Variants in RSRC1 observed in about 807,000 individuals in gnomAD.
The protein encoded by RSRC1 is serine/Arginine-related protein 53.
Under a neutral mutation model 49.1 loss-of-function variants are expected in RSRC1, and 39 were observed. The ratio of observed to expected loss-of-function variants is 0.79; its 90% CI spans 0.61 to 1.04. The LOEUF (loss-of-function observed/expected upper bound fraction) is 1.04, where lower values mean the gene tolerates loss of function less well. Ranked by LOEUF, RSRC1 falls within the 50% of genes least tolerant of loss-of-function variation. The pLI, the probability that RSRC1 is intolerant of heterozygous loss-of-function variation, is 0.00. For missense variants in RSRC1, 388 were observed against 402.4 expected (o/e 0.96, Z 0.31); for synonymous variants, 143 against 130.8 (o/e 1.09, Z -0.63).
chr3:158,473,106 C>T (rs1343789817), intron 7 of RSRC1, among the ~76,000 whole-genome samples: 5 of 152,074 alleles, frequency 3.3e-5, no homozygotes, highest in African/African-American at 9.7e-5. Flanking sequence ...GACAGTGTGG[C>T]GATTCCTCGT....
intron 6 of RSRC1, among the ~76,000 whole-genome samples, chr3:158,362,174 A>G (rs775429664): frequency 1.1e-4 from 16 of 152,080 alleles, no homozygotes; most frequent in Non-Finnish European, 2.2e-4. Context: ...CCCTGTCTCT[A>G]CAAAAAAATA....
intron 3 of RSRC1, among the ~76,000 whole-genome samples, chr3:158,159,334 C>T (rs996620931): frequency 2.0e-5 from 3 of 152,126 alleles, no homozygotes; most frequent in African/African-American, 7.2e-5. Flanking sequence ...AATGTGATGG[C>T]CATTCACCAA....
At chr3:158,536,919 G>T (rs1001123858) in intron 7 of RSRC1, among the ~76,000 whole-genome samples, 173 bp from the exon 8 acceptor site, 2 of 151,506 alleles carry the variant, frequency 1.3e-5, no homozygotes, top group East Asian at 3.9e-4. Flanking sequence ...ATAAGTCTTA[G>T]TTCATAGGAA....
chr3:158,151,758 C>T (rs1323780437), intron 3 of RSRC1, among the ~76,000 whole-genome samples: 3 of 152,046 alleles, frequency 2.0e-5, no homozygotes, highest in Non-Finnish European at 4.4e-5. Context: ...GCAAAAAGTT[C>T]TGGGAGGACA....
At chr3:158,149,434 C>T (rs10936119) in intron 3 of RSRC1, among the ~76,000 whole-genome samples, 2,361 of 152,136 alleles carry the variant, frequency 0.016, 81 homozygotes, top group African/African-American at 0.054. Flanking sequence ...TTTGGTCACG[C>T]GTGACTAGGC....
chr3:158,408,938 C>T lies in RSRC1; in HGVS notation c.584-51997C>T, dbSNP rs1330218941. On this transcript the variant is annotated intron_variant, in intron 6 of 9. Transcript: ENST00000611884. ...ATCCCAGCTACTTGGGAGGCTGAGG[C>T]AGGAGAATTGCTTGAACCCAGGAGG... 3.3e-5 allele frequency among the ~76,000 whole-genome samples: 5 copies of T among 152,126 alleles called. No individual in the cohort carries two copies. In the East Asian group the frequency reaches 9.7e-4, roughly 29 times the overall value.
Position 158,544,544 on chromosome 3 carries a change from T to C in RSRC1, c.*269T>C. On this transcript the variant is annotated 3_prime_UTR_variant, in exon 10 of 10. Coordinates refer to ENST00000611884, the MANE Select transcript of RSRC1 (RefSeq NM_001271838.2). ...TAAATAAGTCTGTTAAAATGAATGG[T>C]AGACACTAGTGTTTCTTAGTGCAAT... 1 of 234,112 alleles carries C rather than the reference T, an allele frequency of 4.3e-6. No individual in the cohort carries two copies. Among genetic ancestry groups the C allele is most frequent in the Non-Finnish European group, 8.3e-6 (1 of 120,882 alleles). 14.5% of individuals were successfully genotyped at this position (234,112 alleles called of 1,614,324 possible).
chr3:158,357,751 C>A (rs1423149808), intron 6 of RSRC1, among the ~76,000 whole-genome samples: 1 of 152,046 alleles, frequency 6.6e-6, no homozygotes, highest in African/African-American at 2.4e-5. Context: ...CTAGTAGTAC[C>A]CATTGTCACA....
At chr3:158,467,147 AT>A (rs1737927289) in intron 7 of RSRC1, among the ~76,000 whole-genome samples, 1 of 152,204 alleles carries the variant, frequency 6.6e-6, no homozygotes, top group Non-Finnish European at 1.5e-5. Context: ...TTATTCTTTT[AT>A]CTTTCATCCC....
intron 6 of RSRC1, among the ~76,000 whole-genome samples, chr3:158,443,129 A>T (rs1736477775): frequency 6.6e-6 from 1 of 152,098 alleles, no homozygotes. Flanking sequence ...GGACCCTTAG[A>T]TTGTTAGAAT....
intron 4 of RSRC1, among the ~76,000 whole-genome samples, chr3:158,296,706 G>A (rs1727261556): frequency 6.6e-6 from 1 of 152,022 alleles, no homozygotes; most frequent in Non-Finnish European, 1.5e-5. Context: ...CAGTAGGACT[G>A]CAGACATTAG....
At chr3:158,224,811 GA>G (rs1722432660) in intron 4 of RSRC1, among the ~76,000 whole-genome samples, 1 of 151,796 alleles carries the variant, frequency 6.6e-6, no homozygotes, top group African/African-American at 2.4e-5. Context: ...AACAAGCTAT[GA>G]AATGTATGGT....
At chr3:158,283,146 A>C (rs539070154) in intron 4 of RSRC1, among the ~76,000 whole-genome samples, 12 of 152,300 alleles carry the variant, frequency 7.9e-5, no homozygotes, top group African/African-American at 2.9e-4. Context: ...TAAGGGTGAA[A>C]AAAAATGTAG....
At chr3:158,488,403 T>C (rs915426718) in intron 7 of RSRC1, among the ~76,000 whole-genome samples, 3 of 152,182 alleles carry the variant, frequency 2.0e-5, no homozygotes, top group Non-Finnish European at 1.5e-5. Flanking sequence ...AATACCTGTA[T>C]CACATTATTT....
intron 5 of RSRC1, among the ~76,000 whole-genome samples, chr3:158,309,623 G>C (rs747929638): frequency 5.9e-5 from 9 of 151,530 alleles, no homozygotes; most frequent in Non-Finnish European, 8.9e-5. Flanking sequence ...TCTTATACTG[G>C]TACACTCTTA....
intron 7 of RSRC1, among the ~76,000 whole-genome samples, chr3:158,497,267 A>G (rs925565532): frequency 7.9e-6 from 1 of 125,940 alleles, no homozygotes; most frequent in Admixed American, 1.1e-4. Flanking sequence ...TTTTTTTTCC[A>G]TAAGTTATTG....
At chr3:158,326,948 T>G (rs1362459672) in intron 5 of RSRC1, among the ~76,000 whole-genome samples, 1 of 152,182 alleles carries the variant, frequency 6.6e-6, no homozygotes, top group South Asian at 2.1e-4. Context: ...TCTTACTGGT[T>G]TAGTCTTGGG....
chr3:158,513,132 G>A (rs1228844423), intron 7 of RSRC1, among the ~76,000 whole-genome samples: 3 of 148,192 alleles, frequency 2.0e-5, no homozygotes, highest in African/African-American at 7.6e-5. Flanking sequence ...AATTGCCCTG[G>A]GCAGCACTTC....
intron 6 of RSRC1, among the ~76,000 whole-genome samples, chr3:158,355,756 A>T (rs1238764687): frequency 6.6e-6 from 1 of 151,698 alleles, no homozygotes; most frequent in Non-Finnish European, 1.5e-5. Flanking sequence ...TCAAACAATA[A>T]GTTTTAATGA....
Sources: allele counts gnomAD v4.1 joint callset (sites outside exome capture counted in the v4.1 genomes callset), GRCh38; gene constraint gnomAD v4.1.1; transcripts MANE v1.5; gene names NCBI Gene and HGNC (gene_info 2026-07-23, HGNC 2026-07-21).